The following FAM174A variants were observed in gnomAD, a reference collection of about 807,000 sequenced individuals.
FAM174A encodes family with sequence similarity 174 member A.
In FAM174A, 14 loss-of-function variants were observed where a neutral mutation model predicts 14.3. The ratio of observed to expected loss-of-function variants is 0.98; its 90% CI spans 0.65 to 1.53. The LOEUF is 1.53. Among genes scored for constraint, FAM174A ranks in the 40% most tolerant of loss-of-function variants. The pLI, the probability that FAM174A is intolerant of heterozygous loss-of-function variation, is 0.00. For synonymous variants in FAM174A, 108 were observed against 111.4 expected (o/e 0.97, Z 0.19); for missense variants, 241 against 249.6 (o/e 0.97, Z 0.23).
chr5:100,574,396 C>T (rs1456910400), intron 2 of FAM174A, among the ~76,000 whole-genome samples: 1 of 152,132 alleles, frequency 6.6e-6, no homozygotes, highest in East Asian at 1.9e-4. Flanking sequence ...CCTTGTTGGC[C>T]AGGCTGGTCT....
At chr5:100,569,810 T>A (rs1315624795) in intron 2 of FAM174A, among the ~76,000 whole-genome samples, 2 of 151,690 alleles carry the variant, frequency 1.3e-5, no homozygotes, top group African/African-American at 4.8e-5. Flanking sequence ...CATTTAACAA[T>A]CATATATACA....
At chr5:100,562,273 A>C (rs1746541317) in intron 2 of FAM174A, 85 bp downstream of exon 2, 1 of 1,238,980 alleles carries the variant, frequency 8.1e-7, no homozygotes, top group African/African-American at 1.6e-5. Flanking sequence ...ACTTTCATTT[A>C]ACAGCTTATA....
intron 2 of FAM174A, among the ~76,000 whole-genome samples, chr5:100,566,180 A>AC (rs371669507): frequency 8.8e-6 from 1 of 113,398 alleles, no homozygotes; most frequent in African/African-American, 3.0e-5. Flanking sequence ...ATGTACATAT[A>AC]ATATATATAA....
At chr5:100,538,018 G>A (rs902686509) in intron 1 of FAM174A, among the ~76,000 whole-genome samples, 6 of 152,136 alleles carry the variant, frequency 3.9e-5, no homozygotes, top group South Asian at 2.1e-4. Flanking sequence ...GTAACATGAT[G>A]TGTGTTAACA....
chr5:100,584,813 T>C (rs188930697), intron 2 of FAM174A, among the ~76,000 whole-genome samples: 16 of 152,360 alleles, frequency 1.1e-4, no homozygotes, highest in African/African-American at 3.8e-4. Context: ...TTCATTATTC[T>C]GGAAATGGCA....
At chr5:100,545,470 A>G (rs757890573) in intron 1 of FAM174A, among the ~76,000 whole-genome samples, 37 of 152,220 alleles carry the variant, frequency 2.4e-4, no homozygotes, top group South Asian at 4.1e-4. Context: ...ACATGAAGAT[A>G]TTGACTGTTG....
chr5:100,556,113 T>A (rs1746374149), intron 1 of FAM174A, among the ~76,000 whole-genome samples: 3 of 152,222 alleles, frequency 2.0e-5, no homozygotes, highest in South Asian at 4.1e-4. Flanking sequence ...TTGAATTAAT[T>A]TTTGTATAAG....
chr5:100,562,656 A>G (rs1746553123), intron 2 of FAM174A, among the ~76,000 whole-genome samples: 1 of 151,310 alleles, frequency 6.6e-6, no homozygotes, highest in South Asian at 2.1e-4. Flanking sequence ...TATTAAATTT[A>G]ATTTCCTTTT....
At chr5:100,553,216 A>T (rs556825567) in intron 1 of FAM174A, among the ~76,000 whole-genome samples, 1 of 152,250 alleles carries the variant, frequency 6.6e-6, no homozygotes, top group African/African-American at 2.4e-5. Context: ...TTGTTTAAAA[A>T]TAATACACAA....
At chr5:100,536,983 C>T (rs993519454) in intron 1 of FAM174A, among the ~76,000 whole-genome samples, 1 of 152,140 alleles carries the variant, frequency 6.6e-6, no homozygotes, top group Non-Finnish European at 1.5e-5. Flanking sequence ...AAACTATTTT[C>T]AAAATAATAC....
intron 2 of FAM174A, among the ~76,000 whole-genome samples, chr5:100,574,351 C>A (rs189646703): frequency 2.0e-5 from 3 of 151,984 alleles, no homozygotes. Context: ...CCAAGCCTGG[C>A]TGATTTTTGT....
At chr5:100,569,937 C>T (rs1459172092) in intron 2 of FAM174A, among the ~76,000 whole-genome samples, 4 of 151,800 alleles carry the variant, frequency 2.6e-5, no homozygotes, top group Non-Finnish European at 5.9e-5. Flanking sequence ...GAATAATGCT[C>T]TTCTCTAAGC....
chr5:100,542,906 G>GTA (rs553450793), intron 1 of FAM174A, among the ~76,000 whole-genome samples: 80 of 151,798 alleles, frequency 5.3e-4, no homozygotes, highest in African/African-American at 1.9e-3. Context: ...ATGTGTGTGT[G>GTA]TATATATATG....
At chr5:100,555,913 G>C (rs536086870) in intron 1 of FAM174A, among the ~76,000 whole-genome samples, 1 of 151,890 alleles carries the variant, frequency 6.6e-6, no homozygotes. Flanking sequence ...TCTGATGGTA[G>C]TTTCTTTTGC....
At chr5:100,574,756 A>G (rs1252384277) in intron 2 of FAM174A, among the ~76,000 whole-genome samples, 1 of 152,204 alleles carries the variant, frequency 6.6e-6, no homozygotes, top group Non-Finnish European at 1.5e-5. Context: ...TAAAAGCCAG[A>G]GCAGAAAAGA....
chr5:100,586,252 A>G lies in FAM174A; in HGVS notation c.*68A>G, dbSNP rs1194624490. The G allele has an allele frequency of 3.5e-6, 4 of 1,131,634 alleles. No homozygotes were observed. The highest frequency in any genetic ancestry group is 3.8e-6 in the Non-Finnish European group (3 of 785,750). The allele number at this position is 1,131,634 out of a possible 1,614,324, so 70.1% of individuals were successfully genotyped here. On this transcript the variant is annotated 3_prime_UTR_variant, in exon 3 of 3. Coordinates refer to ENST00000312637, the MANE Select transcript of FAM174A (RefSeq NM_198507.3). ...AGAGTGGAATTTCTATGTTTAAGGA[A>G]TAAGAAGCCACTATATCAATGTTGG...
intron 1 of FAM174A, among the ~76,000 whole-genome samples, chr5:100,553,446 G>A (rs1746303839): frequency 6.6e-6 from 1 of 151,968 alleles, no homozygotes. Context: ...TTTTTATGTG[G>A]ACATGTAGCT....
rs377101959 is a variant in FAM174A at position 100,542,927 on chromosome 5, A to G, written c.434+6963A>G. 9.2e-5 allele frequency among the ~76,000 whole-genome samples: 14 copies of G among 151,736 alleles called. No homozygotes were observed. In the South Asian group the frequency reaches 2.9e-3, roughly 32 times the overall value. On this transcript the variant is annotated intron_variant, in intron 1 of 2. Transcript: ENST00000312637. ...GTGTGTATATATATGTGTGTGTGTA[A>G]TATATATGTATATACACATACTGGG...
In FAM174A at chr5:100,535,577, C is replaced by T. The variant is rs1368975760; in HGVS notation, c.47C>T (p.Ser16Phe). The part of the protein sequence containing the change: ...CCCCLSHLLA[S>F]VLLLLLLPEL... Reference sequence around the variant, plus strand: ...TGCTGTCTCAGCCACCTCTTGGCTTCCGTCCTCCTCCTGCTGTTGCTGCCT... The same window carrying T: ...TGCTGTCTCAGCCACCTCTTGGCTTTCGTCCTCCTCCTGCTGTTGCTGCCT... Residue 16 changes from serine to phenylalanine, a missense_variant, in exon 1 of 3, where the codon TCC becomes TTC. Ser to Phe is a radical substitution (Grantham distance 155). Coordinates refer to ENST00000312637, the MANE Select transcript of FAM174A (RefSeq NM_198507.3). The T allele has an allele frequency of 1.9e-6, 3 of 1,613,270 alleles. No homozygotes were observed. The highest frequency in any genetic ancestry group is 1.6e-4 in the Middle Eastern group (1 of 6,062).
Sources: allele counts gnomAD v4.1 joint callset (sites outside exome capture counted in the v4.1 genomes callset), GRCh38; gene constraint gnomAD v4.1.1; transcripts MANE v1.5; gene names NCBI Gene and HGNC (gene_info 2026-07-23, HGNC 2026-07-21).